Variants in NDUFS4 observed in about 807,000 individuals in gnomAD.
NDUFS4 encodes the protein NADH dehydrogenase [ubiquinone] iron-sulfur protein 4, mitochondrial.
NDUFS4 carries 28 observed loss-of-function variants against 24.3 expected under a neutral mutation model. That is an observed-to-expected ratio of 1.15 (90% CI 0.85 to 1.58). The LOEUF is 1.58. Ranked by LOEUF, NDUFS4 falls within the 40% of genes most tolerant of loss-of-function variation. The pLI, the probability that NDUFS4 is intolerant of heterozygous loss-of-function variation, is 0.00. For synonymous variants in NDUFS4, 93 were observed against 69.7 expected (o/e 1.34, Z -1.67); for missense variants, 223 against 207.9 (o/e 1.07, Z -0.45).
chr5:53,566,955 TCTC>T (rs1749046894), intron 1 of NDUFS4, among the ~76,000 whole-genome samples: 2 of 151,646 alleles, frequency 1.3e-5, no homozygotes, highest in African/African-American at 4.9e-5. Flanking sequence ...TTCAAGCAAT[TCTC>T]CTGCCTCAGC....
rs751342446 is a variant in NDUFS4, at chr5:53,646,363, C to A, written c.308C>A (p.Thr103Asn). The A allele has an allele frequency of 6.2e-7, 1 of 1,613,744 alleles. No homozygotes were observed. The highest frequency in any genetic ancestry group is 8.5e-7 in the Non-Finnish European group (1 of 1,179,778). ...AAGAAATGGAAGATGGAGTTTGATA[C>A]CAGAGAGCGATGGGAAAATCCTTTG... ...NTKKWKMEFD[T>N]RERWENPLMG... The change falls in exon 3 of 5, where the codon ACC (threonine) becomes AAC (asparagine). Residue 103 changes from threonine (T) to asparagine (N), a missense_variant. Physicochemically the swap from Thr to Asn is moderately conservative, Grantham distance 65. Transcript: ENST00000296684.
intron 2 of NDUFS4, among the ~76,000 whole-genome samples, chr5:53,619,173 C>T (rs1366538932): frequency 6.9e-6 from 1 of 143,964 alleles, no homozygotes; most frequent in Non-Finnish European, 1.5e-5. Context: ...ATAGACATAT[C>T]AAAAATCACA....
intron 4 of NDUFS4, among the ~76,000 whole-genome samples, chr5:53,664,157 G>A (rs1752436691): frequency 6.6e-6 from 1 of 152,078 alleles, no homozygotes; most frequent in African/African-American, 2.4e-5. Context: ...GTTGAATATT[G>A]GCCCCCACTC....
chr5:53,609,801 A>G (rs568807110), intron 2 of NDUFS4, among the ~76,000 whole-genome samples: 6 of 70,274 alleles, frequency 8.5e-5, no homozygotes, highest in Admixed American at 1.6e-4. Context: ...TTTATATTAT[A>G]TAGATGGCTT....
At chr5:53,625,903 A>G (rs1751206554) in intron 2 of NDUFS4, among the ~76,000 whole-genome samples, 1 of 152,156 alleles carries the variant, frequency 6.6e-6, no homozygotes, top group Non-Finnish European at 1.5e-5. Context: ...TTTTAAAATT[A>G]TACTTTAAGT....
chr5:53,613,432 G>A (rs1403199724), intron 2 of NDUFS4, among the ~76,000 whole-genome samples: 1 of 151,712 alleles, frequency 6.6e-6, no homozygotes, highest in Non-Finnish European at 1.5e-5. Flanking sequence ...TTTAGCGTGT[G>A]GGTTTTTTTC....
intron 3 of NDUFS4, among the ~76,000 whole-genome samples, chr5:53,654,226 A>C (rs988419652): frequency 2.0e-5 from 3 of 152,152 alleles, no homozygotes; most frequent in Non-Finnish European, 4.4e-5. Flanking sequence ...TGTTTTTGTA[A>C]CATCTGTTGA....
chr5:53,660,038 CACA>C (rs1462088927), intron 4 of NDUFS4, among the ~76,000 whole-genome samples: 1 of 151,798 alleles, frequency 6.6e-6, no homozygotes, highest in East Asian at 1.9e-4. Context: ...GGTACATGTG[CACA>C]ACATGCAGGT....
chr5:53,624,721 G>GT (rs1355681818), intron 2 of NDUFS4, among the ~76,000 whole-genome samples: 4 of 152,040 alleles, frequency 2.6e-5, no homozygotes, highest in Admixed American at 2.0e-4. Flanking sequence ...TCTCTAACAG[G>GT]TTTTTTTGGT....
intron 2 of NDUFS4, among the ~76,000 whole-genome samples, chr5:53,604,131 T>C (rs1423993585): frequency 6.6e-6 from 1 of 152,248 alleles, no homozygotes; most frequent in East Asian, 1.9e-4. Context: ...GGTCTGTTAC[T>C]TTACATGCAA....
chr5:53,617,473 A>C (rs557153213), intron 2 of NDUFS4, among the ~76,000 whole-genome samples: 33 of 150,240 alleles, frequency 2.2e-4, no homozygotes, highest in African/African-American at 7.1e-4. Context: ...GTCTCTCTCT[A>C]GTTTTGGCTT....
chr5:53,594,882 G>GTGTT (rs1750086349), intron 1 of NDUFS4, among the ~76,000 whole-genome samples: 1 of 151,710 alleles, frequency 6.6e-6, no homozygotes, highest in Middle Eastern at 3.2e-3. Flanking sequence ...TTGTGTGTGT[G>GTGTT]TGTGTGTGTG....
At chr5:53,612,002 C>G (rs979212832) in intron 2 of NDUFS4, among the ~76,000 whole-genome samples, 5 of 151,870 alleles carry the variant, frequency 3.3e-5, no homozygotes, top group Non-Finnish European at 5.9e-5. Context: ...TTTTTTAGCC[C>G]ATTTTTTACA....
intron 2 of NDUFS4, among the ~76,000 whole-genome samples, chr5:53,606,655 G>A (rs377007254): frequency 2.0e-5 from 3 of 152,054 alleles, no homozygotes; most frequent in African/African-American, 4.8e-5. Flanking sequence ...ATGAGTCACC[G>A]TGCCCACTGC....
At chr5:53,679,388 A>G (rs894443171) in intron 4 of NDUFS4, among the ~76,000 whole-genome samples, 2 of 151,980 alleles carry the variant, frequency 1.3e-5, no homozygotes, top group African/African-American at 4.8e-5. Context: ...CCACATTCCA[A>G]TCTCTGTCAT....
At chr5:53,629,323 T>C (rs1751327585) in intron 2 of NDUFS4, among the ~76,000 whole-genome samples, 1 of 152,216 alleles carries the variant, frequency 6.6e-6, no homozygotes, top group Non-Finnish European at 1.5e-5. Flanking sequence ...TTAGAATAAG[T>C]GCGATGTGGT....
intron 2 of NDUFS4, among the ~76,000 whole-genome samples, chr5:53,606,556 G>A (rs180768010): frequency 8.5e-5 from 13 of 152,226 alleles, no homozygotes; most frequent in African/African-American, 4.8e-5. Flanking sequence ...TAGTAGAGAC[G>A]GTTTCACCCT....
At chr5:53,659,658 C>T (rs181220634) in intron 4 of NDUFS4, among the ~76,000 whole-genome samples, 2 of 152,248 alleles carry the variant, frequency 1.3e-5, no homozygotes, top group East Asian at 3.9e-4. Context: ...TTGAATTTGT[C>T]TCTTTAAGTG....
At chr5:53,596,684 T>G (rs575065710) in intron 1 of NDUFS4, among the ~76,000 whole-genome samples, 1 of 152,348 alleles carries the variant, frequency 6.6e-6, no homozygotes, top group Admixed American at 6.5e-5. Context: ...TATATTTTAT[T>G]TCAATTAAAA....
Sources: gnomAD v4.1 joint callset for allele counts (sites outside exome capture counted in the v4.1 genomes callset) on GRCh38, gnomAD v4.1.1 for gene constraint, MANE v1.5 for transcripts, NCBI Gene and HGNC (gene_info 2026-07-23, HGNC 2026-07-21) for gene names.